FOCAD: variants seen among roughly 807,000 people sequenced by gnomAD.
The protein encoded by FOCAD is focadhesin.
Under a neutral mutation model 225.6 loss-of-function variants are expected in FOCAD, and 198 were observed. The observed-to-expected ratio is 0.88, with a 90% confidence interval of 0.78 to 0.99. FOCAD has a LOEUF of 0.99. Ranked by LOEUF, FOCAD falls within the 50% of genes least tolerant of loss-of-function variation. The pLI is 0.00. For synonymous variants in FOCAD, 897 were observed against 755.0 expected, an observed-to-expected ratio of 1.19 and a Z score of -3.08; for missense variants, 2,713 against 2,123.6, an observed-to-expected ratio of 1.28 and a Z score of -5.46.
At chr9:20,772,891 G>A (rs1016123689) in intron 8 of FOCAD, among the ~76,000 whole-genome samples, 3 of 151,318 alleles carry the variant, frequency 2.0e-5, no homozygotes, top group African/African-American at 4.9e-5. Context: ...TATCTTATGT[G>A]TAGTAGATAT....
chr9:20,804,190 C>G (rs1427417403), intron 11 of FOCAD, among the ~76,000 whole-genome samples: 1 of 151,838 alleles, frequency 6.6e-6, no homozygotes, highest in Non-Finnish European at 1.5e-5. Flanking sequence ...CTTAAGCTTT[C>G]CTTGGTGACA....
At chr9:20,890,032 G>C (rs1222825749) in intron 21 of FOCAD, among the ~76,000 whole-genome samples, 3 of 151,824 alleles carry the variant, frequency 2.0e-5, no homozygotes, top group Non-Finnish European at 4.4e-5. Context: ...TCATCCAATT[G>C]ATTTTTTCTA....
At chr9:20,906,674 A>C (rs1349093399) in intron 21 of FOCAD, among the ~76,000 whole-genome samples, 1 of 152,014 alleles carries the variant, frequency 6.6e-6, no homozygotes, top group Admixed American at 6.6e-5. Flanking sequence ...TGCTCTTACC[A>C]CTGTGGTTTC....
intron 19 of FOCAD, among the ~76,000 whole-genome samples, chr9:20,878,953 A>G (rs941456794): frequency 1.3e-5 from 2 of 152,170 alleles, no homozygotes; most frequent in African/African-American, 4.8e-5. Context: ...CAGCTCTCAT[A>G]GAGAGTTCAC....
chr9:20,955,068 C>T (rs909114924), intron 35 of FOCAD, among the ~76,000 whole-genome samples: 1 of 152,144 alleles, frequency 6.6e-6, no homozygotes, highest in African/African-American at 2.4e-5. Flanking sequence ...CATCAGAGCC[C>T]GGTGGGACTG....
chr9:20,740,122 A>G (rs568970980), intron 4 of FOCAD, 114 bp from the exon 5 acceptor site: 11 of 631,756 alleles, frequency 1.7e-5, no homozygotes, highest in Middle Eastern at 9.1e-4. Context: ...GTGGGTGGCT[A>G]CTGTTTAATG....
chr9:20,870,819 C>T (rs1385936726), intron 18 of FOCAD, among the ~76,000 whole-genome samples: 1 of 152,170 alleles, frequency 6.6e-6, no homozygotes, highest in Non-Finnish European at 1.5e-5. Flanking sequence ...TTTTTGTCTT[C>T]TGACATTTTC....
chr9:20,736,594 G>A (rs1199654086), intron 4 of FOCAD, among the ~76,000 whole-genome samples: 1 of 152,126 alleles, frequency 6.6e-6, no homozygotes, highest in African/African-American at 2.4e-5. Context: ...CCAGGCCTCA[G>A]CGTTCATTAA....
chr9:20,767,513 C>T (rs1830154622), intron 7 of FOCAD, among the ~76,000 whole-genome samples: 1 of 151,666 alleles, frequency 6.6e-6, no homozygotes, highest in Admixed American at 6.6e-5. Context: ...TAATGATCGC[C>T]ATTCTAACTG....
At chr9:20,981,806 A>C in intron 38 of FOCAD, 120 bp downstream of exon 38, 1 of 1,113,692 alleles carries the variant, frequency 9.0e-7, no homozygotes, top group South Asian at 1.6e-5. Context: ...GCAAGAAATA[A>C]CCACATTCTT....
chr9:20,674,084 GCCAAT>G (rs1822157371), intron 2 of FOCAD, among the ~76,000 whole-genome samples: 1 of 152,124 alleles, frequency 6.6e-6, no homozygotes, highest in Admixed American at 6.6e-5. Context: ...TGTCACAAGA[GCCAAT>G]TGTTAAATTT....
intron 15 of FOCAD, among the ~76,000 whole-genome samples, chr9:20,839,929 G>T (rs921085353): frequency 2.0e-5 from 3 of 151,992 alleles, no homozygotes; most frequent in Admixed American, 6.6e-5. Context: ...CCTTTCCCCA[G>T]TGTATGTTCT....
At chr9:20,841,323 T>TTGG (rs1826502913) in intron 15 of FOCAD, among the ~76,000 whole-genome samples, 1 of 151,944 alleles carries the variant, frequency 6.6e-6, no homozygotes, top group African/African-American at 2.4e-5. Context: ...CTATAAATGT[T>TTGG]TAGTTCTTCT....
chr9:20,850,139 C>G (rs1461212665), intron 15 of FOCAD, among the ~76,000 whole-genome samples: 1 of 151,414 alleles, frequency 6.6e-6, no homozygotes, highest in Non-Finnish European at 1.5e-5. Flanking sequence ...GTCTTATGGT[C>G]ATAAGAAATA....
intron 11 of FOCAD, among the ~76,000 whole-genome samples, chr9:20,817,403 C>G (rs1039380364): frequency 6.6e-6 from 1 of 152,122 alleles, no homozygotes; most frequent in African/African-American, 2.4e-5. Flanking sequence ...CTTGCCCTAT[C>G]CTAGACAACC....
In FOCAD at chr9:20,789,525, C is replaced by G. The variant is rs138298645; in HGVS notation, c.1372C>G (p.His458Asp). 5.6e-6 allele frequency: 9 copies of G among 1,613,868 alleles called. No individual in the cohort carries two copies. Among genetic ancestry groups the G allele is most frequent in the Non-Finnish European group, 6.8e-6 (8 of 1,179,980 alleles). The change falls in exon 11 of 44, where the codon CAC becomes GAC. Residue 458 changes from histidine to aspartate, a missense_variant. Transcript: ENST00000338382. The part of the protein sequence containing the change: ...IPAPAFLLLA[H>D]LLVEDKGQNL... Reference sequence around the variant, plus strand: ...TGCGCCTGCCTTTCTTCTGCTGGCTCACCTCCTTGTTGAAGACAAAGGACA... The same window carrying G: ...TGCGCCTGCCTTTCTTCTGCTGGCTGACCTCCTTGTTGAAGACAAAGGACA...
chr9:20,763,084 C>G (rs1251853709), intron 6 of FOCAD, among the ~76,000 whole-genome samples: 1 of 152,152 alleles, frequency 6.6e-6, no homozygotes, highest in East Asian at 1.9e-4. Flanking sequence ...TGTATCTTAT[C>G]TAATCATTCC....
intron 5 of FOCAD, among the ~76,000 whole-genome samples, chr9:20,744,795 A>AACTT (rs1827913944): frequency 2.0e-5 from 3 of 152,194 alleles, no homozygotes; most frequent in Admixed American, 2.0e-4. Flanking sequence ...ATATAAATAA[A>AACTT]GTTTTTATGT....
chr9:20,946,059 GT>G (rs11290685), intron 29 of FOCAD, among the ~76,000 whole-genome samples: 1,837 of 150,314 alleles, frequency 0.012, 42 homozygotes, highest in African/African-American at 0.043. Context: ...TCCCACCATT[GT>G]TTTTTACCCA....
Sources: allele counts gnomAD v4.1 joint callset (sites outside exome capture counted in the v4.1 genomes callset), GRCh38; gene constraint gnomAD v4.1.1; transcripts MANE v1.5; gene names NCBI Gene and HGNC (gene_info 2026-07-23, HGNC 2026-07-21).